The following HEATR1 variants were observed in gnomAD, a reference collection of about 807,000 sequenced individuals.
HEATR1 encodes HEAT repeat-containing protein 1.
HEATR1 carries 77 observed loss-of-function variants against 248.2 expected under a neutral mutation model. The ratio of observed to expected loss-of-function variants is 0.31; its 90% CI spans 0.26 to 0.37. The LOEUF (loss-of-function observed/expected upper bound fraction) is 0.37, where lower values mean the gene tolerates loss of function less well. Ranked by LOEUF, HEATR1 falls within the 10% of genes least tolerant of loss-of-function variation. HEATR1 has a pLI of 1.00. For missense variants in HEATR1, 2,420 were observed against 2,504.9 expected (o/e 0.97, Z 0.72); for synonymous variants, 897 against 923.1 (o/e 0.97, Z 0.51).
At chr1:236,573,389 T>C (rs941039141) in intron 24 of HEATR1, among the ~76,000 whole-genome samples, 1 of 152,148 alleles carries the variant, frequency 6.6e-6, no homozygotes, top group Non-Finnish European at 1.5e-5. Context: ...AGATATGGGG[T>C]GGGATCCAGA....
intron 8 of HEATR1, 31 bp from the exon 9 acceptor site, chr1:236,594,145 GA>G: frequency 7.1e-7 from 1 of 1,402,264 alleles, no homozygotes. Flanking sequence ...ATTGTGTTGG[GA>G]AAAATTTATT....
At chr1:236,575,089 C>A (rs1001132497) in intron 22 of HEATR1, among the ~76,000 whole-genome samples, 186 bp from the exon 23 acceptor site, 2 of 152,170 alleles carry the variant, frequency 1.3e-5, no homozygotes, top group Admixed American at 1.3e-4. Context: ...TCCTTTCTGA[C>A]AGTTCATGTG....
chr1:236,559,128 G>C lies in HEATR1; in HGVS notation c.4778C>G (p.Ala1593Gly). The change falls in exon 35 of 45, where the codon GCC becomes GGC. Residue 1593 changes from alanine to glycine, a missense_variant. Coordinates refer to ENST00000366582, the MANE Select transcript of HEATR1 (RefSeq NM_018072.6). ...KAYDLLDKVN[A>G]LLPTETFIPV... ...AATGAATGTCTCTGTGGGCAGCAAG[G>C]CATTGACCTAAAGAGAAATTTTATA... The C allele has an allele frequency of 1.3e-6, 2 of 1,568,792 alleles. No homozygotes were observed. The highest frequency in any genetic ancestry group is 8.6e-7 in the Non-Finnish European group (1 of 1,165,698).
At chr1:236,556,003 A>G in intron 38 of HEATR1, 64 bp from the exon 39 acceptor site, 1 of 1,606,474 alleles carries the variant, frequency 6.2e-7, no homozygotes, top group Non-Finnish European at 8.5e-7. Flanking sequence ...AGCGGTGTGT[A>G]TTTTTAAAAA....
intron 9 of HEATR1, among the ~76,000 whole-genome samples, chr1:236,592,838 G>T (rs1664076773): frequency 6.6e-6 from 1 of 152,202 alleles, no homozygotes; most frequent in Admixed American, 6.5e-5. Flanking sequence ...CACTTTCGGA[G>T]GCCGGGGCAG....
chr1:236,579,016 T>G (rs1026525432), intron 20 of HEATR1, among the ~76,000 whole-genome samples: 1 of 152,212 alleles, frequency 6.6e-6, no homozygotes, highest in African/African-American at 2.4e-5. Flanking sequence ...TGCTAGAAAT[T>G]TTCCATTATA....
chr1:236,561,275 AT>A lies in HEATR1; in HGVS notation c.4600-5del. 1 of 1,607,832 alleles carries A rather than the reference AT, an allele frequency of 6.2e-7. No homozygotes were observed. Among genetic ancestry groups the A allele is most frequent in the Non-Finnish European group, 8.5e-7 (1 of 1,174,470 alleles). Reference sequence around the variant, plus strand: ...CAGGACCACCACTCTCAACTACCTAATTTTTAAAGAAGACGTCATTAGAACG... The same window carrying A: ...CAGGACCACCACTCTCAACTACCTAATTTTAAAGAAGACGTCATTAGAACG... On this transcript the variant is annotated splice_polypyrimidine_tract_variant and splice_region_variant and intron_variant, in intron 32 of 44. Transcript: ENST00000366582.
At chr1:236,595,317 TAA>T in intron 8 of HEATR1, among the ~76,000 whole-genome samples, 1 of 152,100 alleles carries the variant, frequency 6.6e-6, no homozygotes, top group Non-Finnish European at 1.5e-5. Context: ...ACACAGATCT[TAA>T]AAAAAGTAAA....
chr1:236,596,132 T>G, intron 6 of HEATR1, 88 bp from the exon 7 acceptor site: 3 of 959,642 alleles, frequency 3.1e-6, no homozygotes, highest in East Asian at 5.2e-5. Flanking sequence ...AGAAATGTCA[T>G]AGAGATTAAT....
chr1:236,593,584 G>C, intron 9 of HEATR1, among the ~76,000 whole-genome samples: 1 of 90,832 alleles, frequency 1.1e-5, no homozygotes, highest in South Asian at 4.1e-4. Context: ...CCCATTAAGA[G>C]AAAAAAAAAA....
In HEATR1 at chr1:236,603,988, C is replaced by T. The variant is rs16834056; in HGVS notation, c.108G>A (p.Ala36=). The T allele has an allele frequency of 0.02, 32,390 of 1,598,796 alleles. 441 individuals carry two copies. Among genetic ancestry groups the T allele is most frequent in the Middle Eastern group, 0.044 (265 of 6,014 alleles). ...VASLLFDPKE[A]ATIDRDTAFA... is the part of the protein sequence containing the mutation. ...AGGCGGTGTCCCTGTCGATTGTGGC[C>T]GCTTCCTTAGGGTCAAATAACAAAG... The change falls in exon 2 of 45, where the codon GCG becomes GCA. Residue 36 remains alanine, a synonymous_variant. Transcript: ENST00000366582.
At chr1:236,568,404 G>C (rs752871589) in intron 29 of HEATR1, among the ~76,000 whole-genome samples, 2 of 152,196 alleles carry the variant, frequency 1.3e-5, no homozygotes, top group Non-Finnish European at 2.9e-5. Context: ...AATAGCATGA[G>C]AAAAGACATT....
chr1:236,595,455 T>C (rs1182283936), intron 8 of HEATR1, 85 bp downstream of exon 8: 2 of 1,090,920 alleles, frequency 1.8e-6, no homozygotes, highest in Non-Finnish European at 2.6e-6. Flanking sequence ...ATTTTAAATA[T>C]TTTGAAGCTG....
At chr1:236,572,604 C>T in intron 25 of HEATR1, 50 bp from the exon 26 acceptor site, 1 of 1,609,924 alleles carries the variant, frequency 6.2e-7, no homozygotes, top group Non-Finnish European at 8.5e-7. Flanking sequence ...CTATCATGTG[C>T]TAAGTAAAAA....
intron 28 of HEATR1, among the ~76,000 whole-genome samples, chr1:236,570,073 C>G (rs956518305): frequency 6.6e-6 from 1 of 152,076 alleles, no homozygotes; most frequent in African/African-American, 2.4e-5. Context: ...CGGATCATGA[C>G]ATCAGGAGAT....
chr1:236,556,336 G>A (rs913873933), intron 37 of HEATR1, 78 bp from the exon 38 acceptor site: 1 of 1,424,848 alleles, frequency 7.0e-7, no homozygotes, highest in Non-Finnish European at 9.8e-7. Context: ...GAGGCTTCAT[G>A]ATGAGGTACT....
At chr1:236,565,679 G>A (rs1456676887) in intron 31 of HEATR1, among the ~76,000 whole-genome samples, 2 of 152,148 alleles carry the variant, frequency 1.3e-5, no homozygotes, top group Non-Finnish European at 2.9e-5. Context: ...CTGGATACCA[G>A]CAACATTCCA....
intron 42 of HEATR1, among the ~76,000 whole-genome samples, chr1:236,554,314 A>C (rs2759004): frequency 0.74 from 112,173 of 151,972 alleles, 41,598 homozygotes; most frequent in Admixed American, 0.77. Context: ...ATTGCTTGAA[A>C]CCGGGAGGTG....
chr1:236,600,860 G>C (rs562327852), intron 3 of HEATR1, among the ~76,000 whole-genome samples: 1 of 152,034 alleles, frequency 6.6e-6, no homozygotes, highest in African/African-American at 2.4e-5. Flanking sequence ...CGGTTTTAGC[G>C]GTTACTTTTT....
Sources: gnomAD v4.1 joint callset for allele counts (sites outside exome capture counted in the v4.1 genomes callset) on GRCh38, gnomAD v4.1.1 for gene constraint, MANE v1.5 for transcripts, NCBI Gene and HGNC (gene_info 2026-07-23, HGNC 2026-07-21) for gene names.